The following GRIA1 variants were observed in gnomAD, a reference collection of about 807,000 sequenced individuals.
The protein encoded by GRIA1 is glutamate receptor 1.
In GRIA1, 31 loss-of-function variants were observed where a neutral mutation model predicts 99.2. The observed-to-expected ratio is 0.31, with a 90% CI of 0.23 to 0.42. The LOEUF is 0.42. GRIA1 is among the 10% of genes least tolerant of loss of function. The pLI, the probability that GRIA1 is intolerant of heterozygous loss-of-function variation, is 1.00. For missense variants in GRIA1, 782 were observed against 1,157.5 expected, an observed-to-expected ratio of 0.68 and a Z score of 4.71; for synonymous variants, 438 against 432.4, an observed-to-expected ratio of 1.01 and a Z score of -0.16.
chr5:153,631,367 G>T (rs1299149713), intron 2 of GRIA1, among the ~76,000 whole-genome samples: 1 of 152,158 alleles, frequency 6.6e-6, no homozygotes, highest in Admixed American at 6.5e-5. Flanking sequence ...TATCACCTTT[G>T]CTGGTGGCAT....
chr5:153,490,822 G>C lies in GRIA1; in HGVS notation c.-67G>C, dbSNP rs1223406948. ...GGCAGAACAGCGAGAAGAATAAAGGGAAAGGGGGGGAAACACCAAATCTAT... is the reference window on the plus strand; with the variant it reads ...GGCAGAACAGCGAGAAGAATAAAGGCAAAGGGGGGGAAACACCAAATCTAT... On this transcript the variant is annotated 5_prime_UTR_variant, in exon 1 of 16. Coordinates refer to ENST00000285900, the MANE Select transcript of GRIA1 (RefSeq NM_000827.4). 1 of 1,135,258 alleles carries C rather than the reference G, an allele frequency of 8.8e-7. No homozygotes were observed. The highest frequency in any genetic ancestry group is 1.2e-5 in the South Asian group (1 of 81,414). The allele number at this position is 1,135,258 out of a possible 1,614,324, so 70.3% of individuals were successfully genotyped here. A position where few individuals can be genotyped will look rare whatever the true frequency, so the allele number is the denominator to read the frequency against.
At chr5:153,622,289 G>C (rs1416754713) in intron 2 of GRIA1, among the ~76,000 whole-genome samples, 2 of 152,162 alleles carry the variant, frequency 1.3e-5, no homozygotes, top group Non-Finnish European at 2.9e-5. Context: ...TTGGTCCTGG[G>C]TACTTTAAGG....
intron 2 of GRIA1, among the ~76,000 whole-genome samples, chr5:153,637,255 T>G (rs1581378944): frequency 6.6e-6 from 1 of 152,340 alleles, no homozygotes; most frequent in South Asian, 2.1e-4. Flanking sequence ...GAGGTTCTAC[T>G]TATCATTAAT....
intron 11 of GRIA1, among the ~76,000 whole-genome samples, chr5:153,743,449 C>CTCCT (rs1217894809): frequency 6.6e-6 from 1 of 152,162 alleles, no homozygotes; most frequent in African/African-American, 2.4e-5. Flanking sequence ...CTCTTCCAAA[C>CTCCT]TCCTTTCTTT....
At chr5:153,772,259 GT>G (rs1763931272) in intron 13 of GRIA1, among the ~76,000 whole-genome samples, 1 of 151,932 alleles carries the variant, frequency 6.6e-6, no homozygotes, top group East Asian at 1.9e-4. Context: ...GTCCAAAGAT[GT>G]TTTTTTCAAG....
chr5:153,780,655 A>C (rs1030991638), intron 13 of GRIA1, among the ~76,000 whole-genome samples: 1 of 152,220 alleles, frequency 6.6e-6, no homozygotes, highest in Non-Finnish European at 1.5e-5. Context: ...CTTCCAATCG[A>C]GATCTTCCTA....
Position 153,778,111 on chromosome 5 carries a change from GGAGGGAGGTTGGGAGT to G in GRIA1, c.2270+7712_2270+7727del, listed in dbSNP as rs368576187. 4.5e-4 allele frequency among the ~76,000 whole-genome samples: 68 copies of G among 152,082 alleles called. No individual in the cohort carries two copies. In the East Asian group the frequency reaches 7.2e-3, roughly 16 times the overall value. On this transcript the variant is annotated intron_variant, in intron 13 of 15. Transcript: ENST00000285900. ...ATAAAAGGAGAGATAGAAAAAAATG[GGAGGGAGGTTGGGAGT>G]GAGGGAGGTTGGGAGGGAGAGACAA...
intron 2 of GRIA1, among the ~76,000 whole-genome samples, chr5:153,617,203 CA>C (rs1766584813): frequency 6.6e-6 from 1 of 151,388 alleles, no homozygotes. Flanking sequence ...GCCAGAGAAT[CA>C]AAAGCTCTGT....
At chr5:153,640,293 G>A (rs920371106) in intron 2 of GRIA1, among the ~76,000 whole-genome samples, 1 of 152,178 alleles carries the variant, frequency 6.6e-6, no homozygotes, top group Non-Finnish European at 1.5e-5. Context: ...TCCTTTTGCA[G>A]CCATCTTCCA....
chr5:153,709,777 C>G (rs1386751643), intron 11 of GRIA1, among the ~76,000 whole-genome samples: 1 of 152,204 alleles, frequency 6.6e-6, no homozygotes, highest in Non-Finnish European at 1.5e-5. Flanking sequence ...CTCTCCACCC[C>G]ACACAGATGT....
intron 2 of GRIA1, among the ~76,000 whole-genome samples, chr5:153,605,010 A>T (rs1307454660): frequency 6.6e-6 from 1 of 152,088 alleles, no homozygotes; most frequent in East Asian, 1.9e-4. Flanking sequence ...AACACGGCAA[A>T]ACCCCGTCTC....
At chr5:153,630,763 G>C (rs1417568141) in intron 2 of GRIA1, among the ~76,000 whole-genome samples, 1 of 152,218 alleles carries the variant, frequency 6.6e-6, no homozygotes, top group East Asian at 1.9e-4. Flanking sequence ...TGGAGGAGAA[G>C]TAATCATCCT....
At chr5:153,711,312 G>T (rs1232463373) in intron 11 of GRIA1, among the ~76,000 whole-genome samples, 2 of 152,186 alleles carry the variant, frequency 1.3e-5, no homozygotes, top group Non-Finnish European at 2.9e-5. Context: ...CCAAACAAGA[G>T]TCTCTCATAG....
intron 2 of GRIA1, among the ~76,000 whole-genome samples, chr5:153,626,444 CTGTGTGTGTG>C (rs3036985): frequency 0.031 from 4,420 of 142,398 alleles, 158 homozygotes; most frequent in Admixed American, 0.1. Flanking sequence ...GTGTGTGTGT[CTGTGTGTGTG>C]TGTGTGTGTG....
At position 153,698,027 on chromosome 5, in the gene GRIA1, T is replaced by G. The variant is rs1230822200; in HGVS notation, c.1135-17T>G. ...AGGCTGGCCCACCTGACACCTCCAC[T>G]CTCTTCTCATTAACAGATTGGTTAC... is the stretch of plus-strand genomic sequence containing the variant. On this transcript the variant is annotated splice_polypyrimidine_tract_variant and intron_variant, in intron 8 of 15. Coordinates refer to ENST00000285900, the MANE Select transcript of GRIA1 (RefSeq NM_000827.4). 2 of 1,458,008 alleles carry G rather than the reference T, an allele frequency of 1.4e-6. No individual in the cohort carries two copies. Among genetic ancestry groups the G allele is most frequent in the African/African-American group, 2.8e-5 (2 of 71,914 alleles). 90.3% of individuals were successfully genotyped at this position (1,458,008 alleles called of 1,614,324 possible).
At chr5:153,680,930 A>G (rs1486106502) in intron 7 of GRIA1, among the ~76,000 whole-genome samples, 2 of 152,212 alleles carry the variant, frequency 1.3e-5, no homozygotes, top group Admixed American at 6.5e-5. Flanking sequence ...AGGAAAAACT[A>G]CTATCAATTA....
intron 2 of GRIA1, among the ~76,000 whole-genome samples, chr5:153,634,845 C>A (rs919934841): frequency 3.3e-5 from 5 of 152,168 alleles, no homozygotes; most frequent in African/African-American, 1.2e-4. Flanking sequence ...CAGTTGAGGG[C>A]AGGGGTCAGG....
chr5:153,638,450 C>T (rs1173118787), intron 2 of GRIA1, among the ~76,000 whole-genome samples: 2 of 152,260 alleles, frequency 1.3e-5, no homozygotes, highest in African/African-American at 4.8e-5. Flanking sequence ...CAGCATGCAT[C>T]TCCTCTCTGT....
At chr5:153,763,898 A>G (rs542908330) in intron 11 of GRIA1, among the ~76,000 whole-genome samples, 1 of 152,352 alleles carries the variant, frequency 6.6e-6, no homozygotes, top group South Asian at 2.1e-4. Context: ...GACTATGACT[A>G]TTCTGATTCT....
Sources: allele counts gnomAD v4.1 joint callset (sites outside exome capture counted in the v4.1 genomes callset), GRCh38; gene constraint gnomAD v4.1.1; transcripts MANE v1.5; gene names NCBI Gene and HGNC (gene_info 2026-07-23, HGNC 2026-07-21).